Variants in LAMA5 observed in about 807,000 individuals in gnomAD.
LAMA5 encodes the protein laminin subunit alpha 5, also known as laminin subunit alpha-5.
A neutral mutation model predicts 433.4 loss-of-function variants in LAMA5; 260 were observed. The observed-to-expected ratio is 0.60, with a 90% CI of 0.54 to 0.66. The LOEUF is 0.66. Among genes scored for constraint, LAMA5 ranks in the 30% least tolerant of loss-of-function variants. The probability of loss-of-function intolerance (pLI) is 0.00; values close to 1 mark genes in which losing one functional copy is unlikely to be tolerated. For synonymous variants in LAMA5, 2,620 were observed against 2,226.6 expected, an observed-to-expected ratio of 1.18 and a Z score of -4.97; for missense variants, 5,378 against 5,258.5, an observed-to-expected ratio of 1.02 and a Z score of -0.70.
In LAMA5 at chr20:62,310,777, C is replaced by T. The variant is rs562544487; in HGVS notation, c.10334G>A (p.Arg3445Gln). The change falls in exon 75 of 80, where the codon CGG becomes CAG. Residue 3445 changes from arginine to glutamine, a missense_variant. Coordinates refer to ENST00000252999, the MANE Select transcript of LAMA5 (RefSeq NM_005560.6). ...NRILLVTDGA[R>Q]AWSQEGPHRQ... Reference sequence around the variant, plus strand: ...GTGCGGCCCCTCCTGGCTCCAGGCCCGGGCCCCGTCCGTCACCAGCAGGAT... The same window carrying T: ...GTGCGGCCCCTCCTGGCTCCAGGCCTGGGCCCCGTCCGTCACCAGCAGGAT... The T allele has an allele frequency of 2.9e-5, 45 of 1,552,532 alleles. No individual in the cohort carries two copies. Among genetic ancestry groups the T allele is most frequent in the Admixed American group, 7.6e-5 (4 of 52,558 alleles).
chr20:62,335,624 A>C (rs1305665736), intron 18 of LAMA5, among the ~76,000 whole-genome samples: 1 of 120,892 alleles, frequency 8.3e-6, no homozygotes, highest in Admixed American at 9.3e-5. Flanking sequence ...TCCCCTGAGG[A>C]ACTCCACACC....
At chr20:62,352,117 C>T (rs536857017) in intron 4 of LAMA5, 38 bp from the exon 5 acceptor site, 13 of 1,603,026 alleles carry the variant, frequency 8.1e-6, no homozygotes, top group Non-Finnish European at 1.1e-5. Flanking sequence ...GTGGCCCTAG[C>T]CCCTGCTCAG....
rs1294570488 is a variant in LAMA5 at position 62,322,401 on chromosome 20, A to G, written c.6214T>C (p.Cys2072Arg). The G allele has an allele frequency of 1.9e-6, 3 of 1,594,216 alleles. No homozygotes were observed. The African/African-American group carries it at 4.0e-5, about 21-fold the overall frequency. The change falls in exon 47 of 80, where the codon TGT becomes CGT. Residue 2072 changes from cysteine (C) to arginine (R), a missense_variant. Physicochemically the swap from Cys to Arg is radical, Grantham distance 180. Coordinates refer to ENST00000252999, the MANE Select transcript of LAMA5 (RefSeq NM_005560.6). The part of the protein sequence containing the change: ...DGCGGCRPCA[C>R]GPAAEGSECH... ...TCGGAGCCCTCGGCGGCCGGTCCAC[A>G]AGCACACGGGCGGCAGCCCCCGCAG...
intron 57 of LAMA5, chr20:62,316,392 AG>A (rs1302828107): frequency 9.4e-6 from 5 of 532,612 alleles, no homozygotes; most frequent in Non-Finnish European, 1.7e-5. Context: ...GGGTCAGCAG[AG>A]CAGAGGCCAC....
intron 35 of LAMA5, 76 bp downstream of exon 35, chr20:62,328,165 C>A: frequency 1.3e-6 from 2 of 1,514,102 alleles, no homozygotes; most frequent in Non-Finnish European, 1.8e-6. Context: ...AGGGTGGGTG[C>A]CAGGACCCTC....
chr20:62,361,542 G>A (rs1165340741), intron 2 of LAMA5, among the ~76,000 whole-genome samples: 1 of 152,232 alleles, frequency 6.6e-6, no homozygotes, highest in Non-Finnish European at 1.5e-5. Context: ...AGGGACAGAG[G>A]CTCAGACAGG....
In LAMA5 at chr20:62,318,862, C is replaced by G; in HGVS notation, c.7023G>C (p.Glu2341Asp). ...ACTCACATCTCTGTGCTGCAGCCAA[C>G]TCAGCCTCAGCTGCTGCCTGCGGGG... ...LGAPQAAAEAELAAAQRLLAR... is the reference protein window; with the variant it reads ...LGAPQAAAEADLAAAQRLLAR... Residue 2341 changes from glutamate (E) to aspartate (D), a missense_variant, in exon 52 of 80, where the codon GAG (glutamate) becomes GAC (aspartate). Transcript: ENST00000252999. 2 of 1,610,160 alleles carry G rather than the reference C, an allele frequency of 1.2e-6. No individual in the cohort carries two copies. The highest frequency in any genetic ancestry group is 1.7e-4 in the Middle Eastern group (1 of 6,058).
intron 3 of LAMA5, 27 bp from the exon 4 acceptor site, chr20:62,352,387 C>A (rs772077717): frequency 5.2e-5 from 81 of 1,558,752 alleles, no homozygotes; most frequent in Non-Finnish European, 6.5e-5. Flanking sequence ...GAGGGGAGGG[C>A]GCTGGATCAC....
Position 62,309,452 on chromosome 20 carries a change from G to C in LAMA5, c.10972C>G (p.Pro3658Ala), listed in dbSNP as rs766366442. 6.3e-7 allele frequency: 1 copy of C among 1,583,292 alleles called. No individual in the cohort carries two copies. Among genetic ancestry groups the C allele is most frequent in the Non-Finnish European group, 8.5e-7 (1 of 1,174,258 alleles). The part of the protein sequence containing the change: ...LPEPMAVQPW[P>A]PAYCGCMRRL... ...CTCATGCAGCCGCAGTAGGCGGGGG[G>C]CCAGGGCTGCACGGCCATGGGCTCT... is the stretch of plus-strand genomic sequence containing the variant. Residue 3658 changes from proline to alanine, a missense_variant, in exon 80 of 80, where the codon CCC becomes GCC. Coordinates refer to ENST00000252999, the MANE Select transcript of LAMA5 (RefSeq NM_005560.6).
At chr20:62,342,474 G>A (rs1312307174) in intron 11 of LAMA5, among the ~76,000 whole-genome samples, 1 of 151,908 alleles carries the variant, frequency 6.6e-6, no homozygotes, top group South Asian at 2.1e-4. Context: ...TCAGGAGATC[G>A]AGACCATCCT....
chr20:62,350,089 G>A (rs914379163), intron 6 of LAMA5, among the ~76,000 whole-genome samples: 3 of 151,768 alleles, frequency 2.0e-5, no homozygotes, highest in Non-Finnish European at 4.4e-5. Flanking sequence ...GCTTGCACCT[G>A]CAGGGAGAGC....
chr20:62,338,677 C>A (rs1210279782), intron 11 of LAMA5, 69 bp from the exon 12 acceptor site: 39 of 1,424,964 alleles, frequency 2.7e-5, no homozygotes, highest in Non-Finnish European at 2.9e-5. Flanking sequence ...TCCTGGCAAA[C>A]CTTCCCTCTC....
At chr20:62,328,777 G>C in intron 34 of LAMA5, 67 bp downstream of exon 34, 1 of 1,467,758 alleles carries the variant, frequency 6.8e-7, no homozygotes. Context: ...CTTTCTGGTC[G>C]ACCCGTCCAC....
chr20:62,364,461 G>A (rs984668799), intron 1 of LAMA5, among the ~76,000 whole-genome samples: 3 of 152,248 alleles, frequency 2.0e-5, no homozygotes, highest in African/African-American at 4.8e-5. Flanking sequence ...GCCTGGGCCA[G>A]CGTTGGTCCA....
At position 62,337,615 on chromosome 20, in the gene LAMA5, A is replaced by G. The variant is rs1200097128; in HGVS notation, c.2139T>C (p.Gly713=). ...CTTCGCAGTAGGGGAAGTTGTAGGC[A>G]CCGGGCACACATGTGTCACACCGCA... ...TGLRCDTCVP[G]AYNFPYCEAG... Residue 713 remains glycine, a synonymous_variant, in exon 16 of 80, where the codon GGT becomes GGC. Transcript: ENST00000252999. 1 of 1,611,016 alleles carries G rather than the reference A, an allele frequency of 6.2e-7. No homozygotes were observed. Among genetic ancestry groups the G allele is most frequent in the Non-Finnish European group, 8.5e-7 (1 of 1,179,188 alleles).
Position 62,312,730 on chromosome 20 carries a change from C to T in LAMA5, c.9129G>A (p.Val3043=), listed in dbSNP as rs1986449624. 1 of 1,596,618 alleles carries T rather than the reference C, an allele frequency of 6.3e-7. No homozygotes were observed. The highest frequency in any genetic ancestry group is 1.3e-5 in the African/African-American group (1 of 74,430). Residue 3043 remains valine (V), a synonymous_variant, in exon 67 of 80, where the codon GTG becomes GTA. Transcript: ENST00000252999. The part of the protein sequence containing the change: ...GGSRKRVLVR[V]ERATVYSVEQ... ...CCACGCTGTACACCGTGGCCCGCTC[C>T]ACACGCACCAGCACACGCTTGCGGC...
In LAMA5 at chr20:62,336,449, G is replaced by A; in HGVS notation, c.2218-4C>T. The A allele has an allele frequency of 6.2e-7, 1 of 1,610,738 alleles. No homozygotes were observed. The highest frequency in any genetic ancestry group is 8.5e-7 in the Non-Finnish European group (1 of 1,178,466). On this transcript the variant is annotated splice_polypyrimidine_tract_variant and splice_region_variant and intron_variant, in intron 17 of 79. Transcript: ENST00000252999. ...GGCACATACAGGGAACCTGTGCCTGGGAGAGGACAAGACTGCAGGTCAGAG... is the reference window on the plus strand; with the variant it reads ...GGCACATACAGGGAACCTGTGCCTGAGAGAGGACAAGACTGCAGGTCAGAG...
chr20:62,366,029 G>C (rs1196473105), intron 1 of LAMA5, among the ~76,000 whole-genome samples: 1 of 152,198 alleles, frequency 6.6e-6, no homozygotes, highest in Non-Finnish European at 1.5e-5. Flanking sequence ...TCTCCTTCCG[G>C]GAAGGCAGAG....
Position 62,367,227 on chromosome 20 carries a change from C to G in LAMA5, c.19G>C (p.Ala7Pro). ...CCGCGAACACACAGTGCGCTCCCCGCGCAGAGCCGCTTCGCCATCTTCCCG... is the reference window on the plus strand; with the variant it reads ...CCGCGAACACACAGTGCGCTCCCCGGGCAGAGCCGCTTCGCCATCTTCCCG... Reference protein sequence around the residue: MAKRLCAGSALCVRGPR... With the variant: MAKRLCPGSALCVRGPR... The change falls in exon 1 of 80, where the codon GCG becomes CCG. Residue 7 changes from alanine to proline, a missense_variant. By Grantham distance (27) the Ala-to-Pro change is conservative. Transcript: ENST00000252999. The G allele has an allele frequency of 8.4e-7, 1 of 1,193,864 alleles. No individual in the cohort carries two copies. 74.0% of individuals were successfully genotyped at this position (1,193,864 alleles called of 1,614,324 possible).
Sources: gnomAD v4.1 joint callset for allele counts (sites outside exome capture counted in the v4.1 genomes callset) on GRCh38, gnomAD v4.1.1 for gene constraint, MANE v1.5 for transcripts, NCBI Gene and HGNC (gene_info 2026-07-23, HGNC 2026-07-21) for gene names.